Variants in KCNT2 observed in about 807,000 individuals in gnomAD.
KCNT2 encodes potassium channel subfamily T member 2.
A neutral mutation model predicts 153.8 loss-of-function variants in KCNT2; 67 were observed. The ratio of observed to expected loss-of-function variants is 0.44; its 90% CI spans 0.36 to 0.53. The LOEUF (loss-of-function observed/expected upper bound fraction) is 0.53. Among genes scored for constraint, KCNT2 ranks in the 20% least tolerant of loss-of-function variants. KCNT2 has a pLI of 0.00. For missense variants in KCNT2, 975 were observed against 1,354.8 expected, an observed-to-expected ratio of 0.72 and a Z score of 4.40; for synonymous variants, 500 against 458.8, an observed-to-expected ratio of 1.09 and a Z score of -1.15.
chr1:196,298,495 T>A (rs943882201), intron 22 of KCNT2, among the ~76,000 whole-genome samples: 2 of 152,138 alleles, frequency 1.3e-5, no homozygotes, highest in Non-Finnish European at 2.9e-5. Context: ...TTAAAGGGTC[T>A]CCCAATCACA....
chr1:196,465,448 A>ACCTGG, intron 7 of KCNT2, 61 bp from the exon 8 acceptor site: 1 of 869,064 alleles, frequency 1.2e-6, no homozygotes, highest in Non-Finnish European at 2.0e-6. Flanking sequence ...CATGAGTTTC[A>ACCTGG]TTACATTTAT....
At chr1:196,392,260 T>C (rs1670557755) in intron 13 of KCNT2, among the ~76,000 whole-genome samples, 1 of 151,164 alleles carries the variant, frequency 6.6e-6, no homozygotes, top group African/African-American at 2.4e-5. Context: ...TAGTGAGGAA[T>C]GGCATAAAAA....
At chr1:196,579,839 A>T (rs1179141434) in intron 1 of KCNT2, among the ~76,000 whole-genome samples, 1 of 152,158 alleles carries the variant, frequency 6.6e-6, no homozygotes. Flanking sequence ...GCATCATGAA[A>T]TATCAGAAAA....
intron 1 of KCNT2, among the ~76,000 whole-genome samples, chr1:196,574,591 C>T (rs1661142147): frequency 6.6e-6 from 1 of 151,782 alleles, no homozygotes; most frequent in African/African-American, 2.4e-5. Flanking sequence ...TTCCAAATTT[C>T]GAATTGTTTT....
At chr1:196,584,802 T>C (rs1396022150) in intron 1 of KCNT2, among the ~76,000 whole-genome samples, 2 of 152,042 alleles carry the variant, frequency 1.3e-5, no homozygotes, top group African/African-American at 4.8e-5. Context: ...GGAATTTGGG[T>C]TAAATTTTAC....
At chr1:196,429,519 G>A in intron 9 of KCNT2, 58 bp downstream of exon 9, 2 of 1,111,752 alleles carry the variant, frequency 1.8e-6, no homozygotes. Flanking sequence ...ATTAAATGTG[G>A]AGGATTCAAT....
intron 3 of KCNT2, 63 bp from the exon 4 acceptor site, chr1:196,482,442 T>G: frequency 1.1e-6 from 1 of 903,446 alleles, no homozygotes; most frequent in Non-Finnish European, 1.7e-6. Context: ...ACTTTTAAAA[T>G]TCAGTTAAAG....
intron 1 of KCNT2, among the ~76,000 whole-genome samples, chr1:196,598,360 C>G (rs1462787975): frequency 1.3e-5 from 2 of 152,128 alleles, no homozygotes; most frequent in East Asian, 3.8e-4. Context: ...TCTATACCCC[C>G]ATACACACAC....
intron 17 of KCNT2, among the ~76,000 whole-genome samples, chr1:196,333,104 T>TG (rs1003377650): frequency 1.3e-5 from 2 of 151,692 alleles, no homozygotes; most frequent in African/African-American, 2.4e-5. Flanking sequence ...GTTTTTTTTT[T>TG]TTTTTGTTTG....
intron 25 of KCNT2, among the ~76,000 whole-genome samples, chr1:196,263,780 C>T (rs1331651845): frequency 6.6e-6 from 1 of 152,136 alleles, no homozygotes; most frequent in East Asian, 1.9e-4. Flanking sequence ...TTTCTCCATC[C>T]AACCTCATCT....
rs375709635 is a variant in KCNT2 at position 196,591,807 on chromosome 1, C to G, written c.95+16408G>C. On this transcript the variant is annotated intron_variant, in intron 1 of 27. Coordinates refer to ENST00000294725, the MANE Select transcript of KCNT2 (RefSeq NM_198503.5). ...ACATAATTTGGGATGCACAGAGGAG[C>G]TGACCCTGGCTTCATTATAAAAGTT... is the stretch of plus-strand genomic sequence containing the variant. 7.2e-5 allele frequency among the ~76,000 whole-genome samples: 11 copies of G among 152,080 alleles called. No individual in the cohort carries two copies. The South Asian group carries it at 1.0e-3, about 14-fold the overall frequency.
Position 196,379,565 on chromosome 1 carries a change from T to TTCTCTCTCTCTCTC in KCNT2, c.1295-6331_1295-6318dup, listed in dbSNP as rs67709356. 2.0e-3 allele frequency among the ~76,000 whole-genome samples: 269 copies of TTCTCTCTCTCTCTC among 136,232 alleles called. 1 individual carries two copies. Among genetic ancestry groups the TTCTCTCTCTCTCTC allele is most frequent in the Middle Eastern group, 8.2e-3 (2 of 244 alleles). 89.4% of individuals were successfully genotyped at this position (136,232 alleles called of 152,430 possible). A position where few individuals can be genotyped will look rare whatever the true frequency, so the allele number is the denominator to read the frequency against. ...CCAGCCTAGGTAATACAGTGAGACT[T>TTCTCTCTCTCTCTC]TCTCTCTCTCTCTCTCTCTCTCTCT... On this transcript the variant is annotated intron_variant, in intron 13 of 27. Coordinates refer to ENST00000294725, the MANE Select transcript of KCNT2 (RefSeq NM_198503.5).
Position 196,283,879 on chromosome 1 carries a change from T to C in KCNT2, c.2698-1523A>G, listed in dbSNP as rs112964523. On this transcript the variant is annotated intron_variant, in intron 23 of 27. Coordinates refer to ENST00000294725, the MANE Select transcript of KCNT2 (RefSeq NM_198503.5). The stretch of plus-strand genomic sequence containing the variant: ...TTTCAGTTATATATACATACACATC[T>C]ACACACACACAAATGCAGGTATGTA... Among the ~76,000 whole-genome samples, 792 of 152,078 alleles carry C rather than the reference T, an allele frequency of 5.2e-3. 9 individuals are homozygous for C. Among genetic ancestry groups the C allele is most frequent in the African/African-American group, 0.018 (744 of 41,514 alleles).
At chr1:196,253,102 C>A (rs1434319858) in intron 26 of KCNT2, among the ~76,000 whole-genome samples, 1 of 151,094 alleles carries the variant, frequency 6.6e-6, no homozygotes, top group African/African-American at 2.4e-5. Context: ...AGGTAGAGTT[C>A]TCATCGAATC....
intron 1 of KCNT2, among the ~76,000 whole-genome samples, chr1:196,503,980 C>G (rs1680908935): frequency 6.6e-6 from 1 of 152,040 alleles, no homozygotes; most frequent in Middle Eastern, 3.4e-3. Context: ...AATTGTATAG[C>G]GTGGAATACA....
chr1:196,598,640 A>T (rs1664363843), intron 1 of KCNT2, among the ~76,000 whole-genome samples: 1 of 152,204 alleles, frequency 6.6e-6, no homozygotes, highest in African/African-American at 2.4e-5. Context: ...AATAGCATTA[A>T]ATCACATTTG....
At chr1:196,270,617 C>T (rs947516322) in intron 25 of KCNT2, among the ~76,000 whole-genome samples, 1 of 151,996 alleles carries the variant, frequency 6.6e-6, no homozygotes, top group East Asian at 1.9e-4. Context: ...ATTAGAATCA[C>T]GGTTTCATTG....
chr1:196,577,611 A>G (rs552300302), intron 1 of KCNT2, among the ~76,000 whole-genome samples: 1 of 152,292 alleles, frequency 6.6e-6, no homozygotes, highest in East Asian at 1.9e-4. Context: ...AACCAATGGC[A>G]ATGGTGCCTG....
chr1:196,484,341 T>C (rs1172013320), intron 3 of KCNT2, among the ~76,000 whole-genome samples: 4 of 152,118 alleles, frequency 2.6e-5, no homozygotes, highest in Non-Finnish European at 5.9e-5. Flanking sequence ...GAATTGTATG[T>C]TCATAAACTT....
Sources: allele counts gnomAD v4.1 joint callset (sites outside exome capture counted in the v4.1 genomes callset), GRCh38; gene constraint gnomAD v4.1.1; transcripts MANE v1.5; gene names NCBI Gene and HGNC (gene_info 2026-07-23, HGNC 2026-07-21).